BTBD9: variants seen among roughly 807,000 people sequenced by gnomAD.
BTBD9 encodes BTB/POZ domain-containing protein 9.
BTBD9 carries 49 observed loss-of-function variants against 64.3 expected under a neutral mutation model. The ratio of observed to expected loss-of-function variants is 0.76; its 90% CI spans 0.61 to 0.97. BTBD9 has a LOEUF of 0.97. BTBD9 is among the 50% of genes least tolerant of loss of function. BTBD9 has a pLI of 0.00. For missense variants in BTBD9, 598 were observed against 762.1 expected (o/e 0.78, Z 2.53); for synonymous variants, 260 against 274.7 (o/e 0.95, Z 0.53).
chr6:38,403,760 A>G (rs79098719), intron 6 of BTBD9, among the ~76,000 whole-genome samples: 24 of 152,362 alleles, frequency 1.6e-4, no homozygotes, highest in Admixed American at 1.3e-3. Flanking sequence ...ACATATGTCC[A>G]TACAAGAACA....
At chr6:38,329,846 G>T (rs1402862086) in intron 7 of BTBD9, among the ~76,000 whole-genome samples, 1 of 151,932 alleles carries the variant, frequency 6.6e-6, no homozygotes, top group Non-Finnish European at 1.5e-5. Flanking sequence ...CCAGTTACTT[G>T]GGAGGCTGAA....
intron 9 of BTBD9, among the ~76,000 whole-genome samples, chr6:38,226,922 C>T (rs1409598953): frequency 2.0e-5 from 3 of 152,236 alleles, no homozygotes; most frequent in African/African-American, 4.8e-5. Flanking sequence ...AAGCCTACAG[C>T]TGACAGAGCA....
chr6:38,376,958 C>G (rs139345511), intron 6 of BTBD9, among the ~76,000 whole-genome samples: 4 of 152,250 alleles, frequency 2.6e-5, no homozygotes, highest in African/African-American at 7.2e-5. Flanking sequence ...TCTCCCTGGC[C>G]GGTTATTAAA....
intron 6 of BTBD9, among the ~76,000 whole-genome samples, chr6:38,507,457 T>G (rs563456023): frequency 6.6e-6 from 1 of 152,204 alleles, no homozygotes; most frequent in Non-Finnish European, 1.5e-5. Context: ...CAATTGCCTA[T>G]TCATGATTAT....
At chr6:38,432,695 T>G (rs1228034523) in intron 6 of BTBD9, among the ~76,000 whole-genome samples, 1 of 151,896 alleles carries the variant, frequency 6.6e-6, no homozygotes, top group Non-Finnish European at 1.5e-5. Flanking sequence ...GACTTATGAT[T>G]CAACAGGTCC....
At chr6:38,212,849 C>T (rs1762882102) in intron 9 of BTBD9, among the ~76,000 whole-genome samples, 1 of 152,178 alleles carries the variant, frequency 6.6e-6, no homozygotes, top group Admixed American at 6.5e-5. Flanking sequence ...ATACCACCCC[C>T]TTCTCCCCCA....
Position 38,281,675 on chromosome 6 carries a change from T to C in BTBD9, c.1454+6597A>G, listed in dbSNP as rs16890546. On this transcript the variant is annotated intron_variant, in intron 8 of 10. Coordinates refer to ENST00000481247, the MANE Select transcript of BTBD9 (RefSeq NM_001099272.2). Reference sequence around the variant, plus strand: ...ATCTTTTGTCCTAACATATTGCATTTATATAATATTTTCCAACTGAAGAAC... The same window carrying C: ...ATCTTTTGTCCTAACATATTGCATTCATATAATATTTTCCAACTGAAGAAC... 3.1e-3 allele frequency among the ~76,000 whole-genome samples: 472 copies of C among 152,338 alleles called. 13 individuals are homozygous for C. In the East Asian group the frequency reaches 0.067, roughly 22 times the overall value.
At chr6:38,361,089 T>C (rs556883787) in intron 6 of BTBD9, among the ~76,000 whole-genome samples, 1 of 152,262 alleles carries the variant, frequency 6.6e-6, no homozygotes, top group African/African-American at 2.4e-5. Flanking sequence ...TTGACCCTGG[T>C]TGTGTATCAG....
chr6:38,248,381 T>C (rs1764280647), intron 9 of BTBD9, among the ~76,000 whole-genome samples: 2 of 152,254 alleles, frequency 1.3e-5, no homozygotes, highest in African/African-American at 2.4e-5. Context: ...TAATTCTTTT[T>C]ATCTAATCGT....
chr6:38,595,146 G>T (rs1776981160), intron 2 of BTBD9, among the ~76,000 whole-genome samples: 1 of 152,132 alleles, frequency 6.6e-6, no homozygotes, highest in African/African-American at 2.4e-5. Context: ...CATTAAAAAA[G>T]TACATAACCA....
At chr6:38,179,462 G>C (rs533604006) in intron 10 of BTBD9, 19 of 456,766 alleles carry the variant, frequency 4.2e-5, no homozygotes, top group African/African-American at 2.6e-4. Flanking sequence ...GGCAGCAGCA[G>C]GTCCCAGGGC....
At chr6:38,338,832 G>T (rs188055128) in intron 7 of BTBD9, among the ~76,000 whole-genome samples, 1 of 152,108 alleles carries the variant, frequency 6.6e-6, no homozygotes, top group African/African-American at 2.4e-5. Flanking sequence ...AAAGAAAAAA[G>T]GGAATGCAAA....
Position 38,534,223 on chromosome 6 carries a change from A to C in BTBD9, c.1154+43377T>G, listed in dbSNP as rs1773917030. 1.3e-5 allele frequency among the ~76,000 whole-genome samples: 2 copies of C among 152,096 alleles called. 1 individual carries two copies. The highest frequency in any genetic ancestry group is 1.3e-4 in the Admixed American group (2 of 15,270). The stretch of plus-strand genomic sequence containing the variant: ...TACTGCAGAAATTCAAAGGATCATT[A>C]GAGGCTGCTATGAGCAACTATATGC... On this transcript the variant is annotated intron_variant, in intron 6 of 10. Coordinates refer to ENST00000481247, the MANE Select transcript of BTBD9 (RefSeq NM_001099272.2).
rs184344111 is a variant in BTBD9, at chr6:38,329,569, C to T, written c.1264+15415G>A. 5.5e-4 allele frequency among the ~76,000 whole-genome samples: 83 copies of T among 152,066 alleles called. 1 individual carries two copies. The South Asian group carries it at 0.015, about 28-fold the overall frequency. Reference sequence around the variant, plus strand: ...AACTCCTGACCTCAAGTGATCTGCCCGATTTGGCCTCCCAAAGTGCTGGGA... The same window carrying T: ...AACTCCTGACCTCAAGTGATCTGCCTGATTTGGCCTCCCAAAGTGCTGGGA... On this transcript the variant is annotated intron_variant, in intron 7 of 10. Coordinates refer to ENST00000481247, the MANE Select transcript of BTBD9 (RefSeq NM_001099272.2).
At chr6:38,304,492 G>C (rs1762548044) in intron 7 of BTBD9, among the ~76,000 whole-genome samples, 1 of 151,712 alleles carries the variant, frequency 6.6e-6, no homozygotes, top group Admixed American at 6.6e-5. Flanking sequence ...GTTGCAATGG[G>C]CTGAGACCAT....
At chr6:38,473,574 C>T (rs1159997177) in intron 6 of BTBD9, among the ~76,000 whole-genome samples, 1 of 152,164 alleles carries the variant, frequency 6.6e-6, no homozygotes, top group Non-Finnish European at 1.5e-5. Flanking sequence ...AATATGGAAG[C>T]TCAGTAAGAG....
chr6:38,329,323 CTTT>C (rs201597571), intron 7 of BTBD9, among the ~76,000 whole-genome samples: 16 of 132,678 alleles, frequency 1.2e-4, no homozygotes, highest in Admixed American at 3.8e-4. Flanking sequence ...CCTTTTTTTC[CTTT>C]TTTTTTTTTT....
At chr6:38,428,597 G>A (rs769488374) in intron 6 of BTBD9, among the ~76,000 whole-genome samples, 1 of 151,612 alleles carries the variant, frequency 6.6e-6, no homozygotes, top group African/African-American at 2.4e-5. Context: ...CCAACACCAA[G>A]AACAGTGTTT....
chr6:38,277,847 AAT>A (rs1761338864), intron 8 of BTBD9, among the ~76,000 whole-genome samples: 1 of 152,194 alleles, frequency 6.6e-6, no homozygotes, highest in Non-Finnish European at 1.5e-5. Flanking sequence ...GAACACATGA[AAT>A]ATGGAGATCT....
Sources: allele counts gnomAD v4.1 joint callset (sites outside exome capture counted in the v4.1 genomes callset), GRCh38; gene constraint gnomAD v4.1.1; transcripts MANE v1.5; gene names NCBI Gene and HGNC (gene_info 2026-07-23, HGNC 2026-07-21).